The following EIF4G3 variants were observed in gnomAD, a reference collection of about 807,000 sequenced individuals.
EIF4G3 encodes the protein eukaryotic translation initiation factor 4 gamma 3.
Under a neutral mutation model 186.4 loss-of-function variants are expected in EIF4G3, and 34 were observed. The ratio of observed to expected loss-of-function variants is 0.18; its 90% CI spans 0.14 to 0.24. EIF4G3 has a LOEUF of 0.24. Ranked by LOEUF, EIF4G3 falls within the 10% of genes least tolerant of loss-of-function variation. The pLI is 1.00. For missense variants in EIF4G3, 1,536 were observed against 1,948.5 expected (o/e 0.79, Z 3.99); for synonymous variants, 673 against 679.5 (o/e 0.99, Z 0.15).
chr1:21,111,292 G>C, intron 2 of EIF4G3: 1 of 471,016 alleles, frequency 2.1e-6, no homozygotes, highest in African/African-American at 2.0e-5. Flanking sequence ...ACAAAAATTT[G>C]AATCCTAGAT....
intron 3 of EIF4G3, among the ~76,000 whole-genome samples, chr1:21,088,037 A>T (rs1258655559): frequency 1.3e-5 from 2 of 152,094 alleles, no homozygotes; most frequent in African/African-American, 4.8e-5. Context: ...TCAAGGCTGC[A>T]GTAATCCATA....
At position 21,118,567 on chromosome 1, in the gene EIF4G3, A is replaced by G. The variant is rs1379527431; in HGVS notation, c.-271-29354T>C. ...TTTGGGAGGCGGAGGCGGGCAGATC[A>G]CTAAGGTCAGGAGCTTGAGACCAGC... On this transcript the variant is annotated intron_variant, in intron 2 of 36. Coordinates refer to ENST00000602326, the MANE Select transcript of EIF4G3 (RefSeq NM_001391906.1). Among the ~76,000 whole-genome samples, 3 of 152,120 alleles carry G rather than the reference A, an allele frequency of 2.0e-5. No homozygotes were observed. The East Asian group carries it at 5.8e-4, about 29-fold the overall frequency.
At chr1:20,859,597 A>T (rs1557956260) in intron 24 of EIF4G3, among the ~76,000 whole-genome samples, 1 of 152,008 alleles carries the variant, frequency 6.6e-6, no homozygotes, top group East Asian at 1.9e-4. Context: ...GCATGTCTCT[A>T]TTTTTGTTTT....
chr1:21,125,395 T>C (rs1393847570), intron 2 of EIF4G3, among the ~76,000 whole-genome samples: 1 of 152,220 alleles, frequency 6.6e-6, no homozygotes, highest in Non-Finnish European at 1.5e-5. Context: ...TCCAGGGTTA[T>C]ATATTCCATA....
intron 11 of EIF4G3, among the ~76,000 whole-genome samples, 168 bp downstream of exon 11, chr1:20,972,834 C>T (rs533535122): frequency 6.6e-6 from 1 of 151,376 alleles, no homozygotes; most frequent in Admixed American, 6.6e-5. Context: ...CTTCTAATTA[C>T]ATGCCCATAC....
intron 2 of EIF4G3, among the ~76,000 whole-genome samples, chr1:21,089,680 G>C (rs1421169760): frequency 6.6e-6 from 1 of 151,666 alleles, no homozygotes; most frequent in Non-Finnish European, 1.5e-5. Context: ...TAGTCTCCGG[G>C]AGGCTGAGGT....
At chr1:20,813,398 TA>T (rs11303095) in intron 34 of EIF4G3, among the ~76,000 whole-genome samples, 159 bp from the exon 35 acceptor site, 38,690 of 81,448 alleles carry the variant, frequency 0.48, 8,012 homozygotes, top group East Asian at 0.79. Context: ...CCCTATCTCT[TA>T]AAAAAAAAAA....
intron 2 of EIF4G3, among the ~76,000 whole-genome samples, chr1:21,151,777 T>C (rs1435906369): frequency 3.3e-5 from 5 of 152,040 alleles, no homozygotes; most frequent in African/African-American, 4.8e-5. Flanking sequence ...TAAAAAAATC[T>C]CTTAGAATAC....
chr1:21,070,754 C>A (rs1383111982), intron 3 of EIF4G3, among the ~76,000 whole-genome samples: 1 of 152,142 alleles, frequency 6.6e-6, no homozygotes, highest in Non-Finnish European at 1.5e-5. Flanking sequence ...GAAGAGAGGG[C>A]AGTTTTAGAA....
chr1:20,834,738 G>T (rs952435753), intron 30 of EIF4G3, among the ~76,000 whole-genome samples: 3 of 152,020 alleles, frequency 2.0e-5, no homozygotes, highest in African/African-American at 7.3e-5. Flanking sequence ...AAAAACATAG[G>T]GCAATTGATT....
intron 14 of EIF4G3, among the ~76,000 whole-genome samples, chr1:20,913,084 A>G (rs2093436267): frequency 6.6e-6 from 1 of 152,160 alleles, no homozygotes; most frequent in Non-Finnish European, 1.5e-5. Flanking sequence ...GTTTTTCCGC[A>G]TCTTCTCAGA....
chr1:20,879,599 AATAATAT>A, intron 19 of EIF4G3, 79 bp from the exon 20 acceptor site: 1 of 861,462 alleles, frequency 1.2e-6, no homozygotes, highest in South Asian at 3.8e-5. Context: ...TAATTTTAAA[AATAATAT>A]ATAAGTTCAA....
At chr1:21,094,768 A>T (rs1427994231) in intron 2 of EIF4G3, among the ~76,000 whole-genome samples, 1 of 101,026 alleles carries the variant, frequency 9.9e-6, no homozygotes, top group Non-Finnish European at 2.2e-5. Context: ...CTTAAAGTAT[A>T]ATAATAATAA....
chr1:21,103,922 T>G lies in EIF4G3; in HGVS notation c.-271-14709A>C, dbSNP rs140823388. Among the ~76,000 whole-genome samples the G allele has an allele frequency of 1.8e-4, 28 of 152,316 alleles. No individual in the cohort carries two copies. In the East Asian group the frequency reaches 5.2e-3, roughly 28 times the overall value. On this transcript the variant is annotated intron_variant, in intron 2 of 36. Transcript: ENST00000602326. ...ATAGCAGTTTGTCCACAGAATTCCT[T>G]ACCATTTCATGCTGCAGGGGTCTTG...
chr1:21,028,190 G>A (rs546970116), intron 4 of EIF4G3, among the ~76,000 whole-genome samples: 1 of 152,282 alleles, frequency 6.6e-6, no homozygotes, highest in East Asian at 1.9e-4. Context: ...CAAGATGAAA[G>A]AAAAGAGTTA....
chr1:20,949,719 C>CT (rs2096123494), intron 13 of EIF4G3, among the ~76,000 whole-genome samples: 1 of 152,212 alleles, frequency 6.6e-6, no homozygotes, highest in Non-Finnish European at 1.5e-5. Flanking sequence ...TCTCCCTCCA[C>CT]TTCCCACCTT....
chr1:20,930,991 C>T (rs2154561124), intron 14 of EIF4G3, among the ~76,000 whole-genome samples: 1 of 151,702 alleles, frequency 6.6e-6, no homozygotes, highest in South Asian at 2.1e-4. Flanking sequence ...CAGGCGTGCG[C>T]CACTGCACCC....
At chr1:20,906,115 T>C (rs1322447314) in intron 14 of EIF4G3, among the ~76,000 whole-genome samples, 2 of 152,316 alleles carry the variant, frequency 1.3e-5, no homozygotes, top group Non-Finnish European at 1.5e-5. Flanking sequence ...ACACCAATTA[T>C]TCTTTTTTCT....
chr1:21,085,774 A>T (rs906202499), intron 3 of EIF4G3, among the ~76,000 whole-genome samples: 1 of 151,528 alleles, frequency 6.6e-6, no homozygotes, highest in African/African-American at 2.4e-5. Flanking sequence ...GCTCACTGCA[A>T]CCTCTGCCTC....
Sources: allele counts gnomAD v4.1 joint callset (sites outside exome capture counted in the v4.1 genomes callset), GRCh38; gene constraint gnomAD v4.1.1; transcripts MANE v1.5; gene names NCBI Gene and HGNC (gene_info 2026-07-23, HGNC 2026-07-21).